The following FHIP2A variants were observed in gnomAD, a reference collection of about 807,000 sequenced individuals.
FHIP2A encodes FHF complex subunit HOOK interacting protein 2A, also known as family with sequence similarity 160 member B1.
Under a neutral mutation model 93.5 loss-of-function variants are expected in FHIP2A, and 46 were observed. The observed-to-expected ratio is 0.49, with a 90% CI of 0.39 to 0.63. The LOEUF (loss-of-function observed/expected upper bound fraction) is 0.63. Among genes scored for constraint, FHIP2A ranks in the 20% least tolerant of loss-of-function variants. The probability of loss-of-function intolerance (pLI) is 0.00; values close to 1 mark genes in which losing one functional copy is unlikely to be tolerated. For missense variants in FHIP2A, 769 were observed against 909.7 expected, an observed-to-expected ratio of 0.85 and a Z score of 1.99; for synonymous variants, 332 against 326.5, an observed-to-expected ratio of 1.02 and a Z score of -0.18.
chr10:114,875,893 A>C (rs2083885032), intron 16 of FHIP2A, among the ~76,000 whole-genome samples: 1 of 113,684 alleles, frequency 8.8e-6, no homozygotes. Flanking sequence ...AGAAAGAGAG[A>C]GAAAGAAATA....
At chr10:114,890,571 A>G (rs541334649) in intron 16 of FHIP2A, among the ~76,000 whole-genome samples, 1 of 148,146 alleles carries the variant, frequency 6.8e-6, no homozygotes, top group South Asian at 2.1e-4. Context: ...TATGACATAT[A>G]TAGTATATAA....
At chr10:114,897,660 A>G (rs1380348911) in intron 16 of FHIP2A, among the ~76,000 whole-genome samples, 1 of 152,204 alleles carries the variant, frequency 6.6e-6, no homozygotes, top group Non-Finnish European at 1.5e-5. Flanking sequence ...CTGTAATCCC[A>G]TCACTTTGCA....
chr10:114,846,807 T>C, intron 11 of FHIP2A, 79 bp downstream of exon 11: 5 of 1,302,464 alleles, frequency 3.8e-6, no homozygotes, highest in Non-Finnish European at 2.1e-6. Flanking sequence ...CTACCTCCCT[T>C]ATCCTCAAAA....
At chr10:114,833,725 G>A (rs2083621619) in intron 3 of FHIP2A, among the ~76,000 whole-genome samples, 1 of 152,148 alleles carries the variant, frequency 6.6e-6, no homozygotes, top group East Asian at 1.9e-4. Flanking sequence ...TTGAAAAATA[G>A]GAATTATTTG....
In FHIP2A at chr10:114,863,968, C is replaced by G; in HGVS notation, c.*2428C>G. The G allele has an allele frequency of 9.4e-7, 1 of 1,062,278 alleles. No homozygotes were observed. The highest frequency in any genetic ancestry group is 1.1e-6 in the Non-Finnish European group (1 of 875,604). 65.8% of individuals were successfully genotyped at this position (1,062,278 alleles called of 1,614,324 possible). A position where few individuals can be genotyped will look rare whatever the true frequency, so the allele number is the denominator to read the frequency against. Reference sequence around the variant, plus strand: ...GAGCCGCATTCTTTACTTGATAGAACTCAGATTTGTCTTAGCCTATTGCCA... The same window carrying G: ...GAGCCGCATTCTTTACTTGATAGAAGTCAGATTTGTCTTAGCCTATTGCCA... On this transcript the variant is annotated 3_prime_UTR_variant, in exon 17 of 17. Transcript: ENST00000369248.
chr10:114,862,933 G>A lies in FHIP2A; in HGVS notation c.*1393G>A. The A allele has an allele frequency of 3.0e-6, 3 of 985,416 alleles. No individual in the cohort carries two copies. The highest frequency in any genetic ancestry group is 3.6e-6 in the Non-Finnish European group (3 of 829,918). 61.0% of individuals were successfully genotyped at this position (985,416 alleles called of 1,614,324 possible). The stretch of plus-strand genomic sequence containing the variant: ...TAGCATGTTTGCATATACGCATTGT[G>A]TGGCATGTGCATAGAGGCTTGTTTT... On this transcript the variant is annotated 3_prime_UTR_variant, in exon 17 of 17. Coordinates refer to ENST00000369248, the MANE Select transcript of FHIP2A (RefSeq NM_020940.4).
intron 5 of FHIP2A, among the ~76,000 whole-genome samples, chr10:114,837,343 C>T (rs777452963): frequency 1.3e-5 from 2 of 152,192 alleles, no homozygotes; most frequent in Admixed American, 6.5e-5. Flanking sequence ...CGTGAAACCC[C>T]GTCTCTGCTA....
intron 3 of FHIP2A, 87 bp downstream of exon 3, chr10:114,833,489 TA>T (rs1383360172): frequency 2.4e-5 from 30 of 1,230,462 alleles, no homozygotes; most frequent in Non-Finnish European, 3.5e-5. Context: ...TACTTGATTA[TA>T]AAGGTACATA....
At chr10:114,896,399 T>G (rs1202814750) in intron 16 of FHIP2A, among the ~76,000 whole-genome samples, 1 of 152,136 alleles carries the variant, frequency 6.6e-6, no homozygotes, top group Non-Finnish European at 1.5e-5. Flanking sequence ...TTCCATGGCA[T>G]CTTACAGAAA....
intron 14 of FHIP2A, among the ~76,000 whole-genome samples, chr10:114,859,364 A>G (rs2083784566): frequency 6.6e-6 from 1 of 152,198 alleles, no homozygotes; most frequent in Non-Finnish European, 1.5e-5. Context: ...TCTCCACTGA[A>G]TGCCAGAGAT....
At chr10:114,875,718 G>C (rs974189251) in intron 16 of FHIP2A, among the ~76,000 whole-genome samples, 2 of 143,978 alleles carry the variant, frequency 1.4e-5, no homozygotes, top group Non-Finnish European at 3.0e-5. Context: ...GAAAGAGAGA[G>C]AAAGAAAGAA....
chr10:114,829,821 A>G (rs2143009778), intron 1 of FHIP2A, among the ~76,000 whole-genome samples: 1 of 152,304 alleles, frequency 6.6e-6, no homozygotes, highest in Non-Finnish European at 1.5e-5. Flanking sequence ...GTGTATGCAA[A>G]TCTTTTTCTA....
At chr10:114,891,537 A>ATATGTGTGTGTGTGTGTG (rs1433286245) in intron 16 of FHIP2A, among the ~76,000 whole-genome samples, 1 of 137,132 alleles carries the variant, frequency 7.3e-6, no homozygotes, top group African/African-American at 2.8e-5. Flanking sequence ...ATATATATAT[A>ATATGTGTGTGTGTGTGTG]TGTGTGTGTG....
chr10:114,848,651 C>T lies in FHIP2A; in HGVS notation c.1717C>T (p.Leu573Phe). Residue 573 changes from leucine (L) to phenylalanine (F), a missense_variant, in exon 13 of 17, where the codon CTC becomes TTC. Coordinates refer to ENST00000369248, the MANE Select transcript of FHIP2A (RefSeq NM_020940.4). ...TTGTGGCCGTTTTCATTTAAGTTTT[C>T]TCTGTCTGGTACCGGATGACGCAAA... Reference protein sequence around the residue: ...TEVHKIVNSFLCLVPDDAKSS... With the variant: ...TEVHKIVNSFFCLVPDDAKSS... 1 of 1,584,528 alleles carries T rather than the reference C, an allele frequency of 6.3e-7. No homozygotes were observed. The highest frequency in any genetic ancestry group is 1.4e-5 in the African/African-American group (1 of 73,230).
At chr10:114,890,724 A>G (rs1457069258) in intron 16 of FHIP2A, among the ~76,000 whole-genome samples, 1 of 148,268 alleles carries the variant, frequency 6.7e-6, no homozygotes, top group Non-Finnish European at 1.5e-5. Context: ...CATATATAGT[A>G]TATAAAATAT....
intron 5 of FHIP2A, among the ~76,000 whole-genome samples, chr10:114,840,204 C>T (rs1164453233): frequency 1.3e-5 from 2 of 152,126 alleles, no homozygotes; most frequent in Non-Finnish European, 2.9e-5. Flanking sequence ...GCCTGAGCAA[C>T]ATAGCAAGAC....
intron 10 of FHIP2A, 46 bp downstream of exon 10, chr10:114,846,413 A>AT (rs746781233): frequency 1.4e-6 from 2 of 1,420,418 alleles, no homozygotes; most frequent in Non-Finnish European, 2.0e-6. Context: ...TCTTTGAAAT[A>AT]CGGTTTTAAT....
At chr10:114,871,987 CCA>C (rs1237401275) in intron 16 of FHIP2A, among the ~76,000 whole-genome samples, 4 of 152,290 alleles carry the variant, frequency 2.6e-5, no homozygotes, top group African/African-American at 9.6e-5. Context: ...CACAGTAAGT[CCA>C]GACTCTGATA....
intron 13 of FHIP2A, among the ~76,000 whole-genome samples, chr10:114,849,339 C>T (rs10885614): frequency 0.41 from 62,034 of 151,716 alleles, 13,272 homozygotes; most frequent in Non-Finnish European, 0.48. Context: ...ATTCTACCCA[C>T]CATGCACCCT....
Sources: gnomAD v4.1 joint callset for allele counts (sites outside exome capture counted in the v4.1 genomes callset) on GRCh38, gnomAD v4.1.1 for gene constraint, MANE v1.5 for transcripts, NCBI Gene and HGNC (gene_info 2026-07-23, HGNC 2026-07-21) for gene names.